The following BBOF1 variants were observed in gnomAD, a reference collection of about 807,000 sequenced individuals.
BBOF1 encodes the protein basal body-orientation factor 1.
A neutral mutation model predicts 68.0 loss-of-function variants in BBOF1; 62 were observed. The ratio of observed to expected loss-of-function variants is 0.91; its 90% CI spans 0.74 to 1.13. The LOEUF (loss-of-function observed/expected upper bound fraction) is 1.13, where lower values mean the gene tolerates loss of function less well. BBOF1 is among the 50% of genes most tolerant of loss of function. The pLI, the probability that BBOF1 is intolerant of heterozygous loss-of-function variation, is 0.00. For missense variants in BBOF1, 534 were observed against 600.1 expected, an observed-to-expected ratio of 0.89 and a Z score of 1.15; for synonymous variants, 208 against 198.8, an observed-to-expected ratio of 1.05 and a Z score of -0.39.
chr14:74,034,835 A>G (rs1430114679), intron 4 of BBOF1, among the ~76,000 whole-genome samples: 4 of 152,186 alleles, frequency 2.6e-5, no homozygotes, highest in African/African-American at 9.7e-5. Flanking sequence ...TTATGCCTGT[A>G]ATCCCAGCAT....
At position 74,048,093 on chromosome 14, in the gene BBOF1, T is replaced by C. The variant is rs778507408; in HGVS notation, c.792+19T>C. 194 of 1,594,832 alleles carry C rather than the reference T, an allele frequency of 1.2e-4. No individual in the cohort carries two copies. Among genetic ancestry groups the C allele is most frequent in the Non-Finnish European group, 1.5e-4 (181 of 1,173,904 alleles). ...TCAAAAGGTTCCCTCTCATTTAGAC[T>C]TGGTGTCCTTCTTTTCTTTATTTAA... On this transcript the variant is annotated intron_variant, in intron 7 of 11. Coordinates refer to ENST00000394009, the MANE Select transcript of BBOF1 (RefSeq NM_025057.3).
At chr14:74,024,898 TGGTCCA>T (rs1466444596) in intron 2 of BBOF1, among the ~76,000 whole-genome samples, 7 of 152,054 alleles carry the variant, frequency 4.6e-5, no homozygotes, top group African/African-American at 1.7e-4. Context: ...CAATAGCACC[TGGTCCA>T]GAAATTTCTA....
intron 5 of BBOF1, among the ~76,000 whole-genome samples, chr14:74,043,700 T>G (rs1328629927): frequency 6.6e-6 from 1 of 150,470 alleles, no homozygotes; most frequent in Non-Finnish European, 1.5e-5. Context: ...GAGTAGCTAA[T>G]TTTTGTATTT....
At chr14:74,048,890 A>AGG (rs1229764322) in intron 7 of BBOF1, among the ~76,000 whole-genome samples, 2 of 152,204 alleles carry the variant, frequency 1.3e-5, no homozygotes, top group African/African-American at 4.8e-5. Context: ...AGAGAGAGAG[A>AGG]GAAAGACGGA....
chr14:74,066,255 G>A (rs1016929916), downstream of BBOF1, among the ~76,000 whole-genome samples: 6 of 151,956 alleles, frequency 3.9e-5, no homozygotes. Flanking sequence ...GGCCAAATGT[G>A]GCTTCCTGCC....
intron 11 of BBOF1, among the ~76,000 whole-genome samples, chr14:74,063,893 C>T (rs1370256564): frequency 3.3e-5 from 5 of 151,604 alleles, no homozygotes; most frequent in Non-Finnish European, 5.9e-5. Flanking sequence ...TAATGGTATC[C>T]CCCAAAGTCA....
At chr14:74,034,699 T>C (rs1277125866) in intron 4 of BBOF1, among the ~76,000 whole-genome samples, 1 of 152,070 alleles carries the variant, frequency 6.6e-6, no homozygotes, top group Non-Finnish European at 1.5e-5. Context: ...CACAGGGGAG[T>C]GCCAGGAACA....
At chr14:74,062,502 T>C (rs1270513472) in intron 11 of BBOF1, among the ~76,000 whole-genome samples, 3 of 151,524 alleles carry the variant, frequency 2.0e-5, no homozygotes, top group Non-Finnish European at 4.4e-5. Context: ...TCGGGAGGCA[T>C]AGATACGAGA....
chr14:74,028,967 C>T (rs1595019979), intron 2 of BBOF1, among the ~76,000 whole-genome samples: 1 of 147,988 alleles, frequency 6.8e-6, no homozygotes, highest in Admixed American at 6.8e-5. Context: ...CACACACACA[C>T]AAAAGTTGAC....
At chr14:74,078,360 CTTTT>C (rs201196501) in intron 10 of BBOF1, 1 of 301,908 alleles carries the variant, frequency 3.3e-6, no homozygotes, top group African/African-American at 2.3e-5. Context: ...GAGGTATATA[CTTTT>C]TTTTTTTGAG....
At chr14:74,057,868 C>A (rs2060253320) in intron 11 of BBOF1, 1 of 1,033,550 alleles carries the variant, frequency 9.7e-7, no homozygotes, top group African/African-American at 1.7e-5. Flanking sequence ...TGAGTTGTTT[C>A]TAATTAGAGC....
Position 74,047,974 on chromosome 14 carries a change from A to G in BBOF1, c.692A>G (p.Tyr231Cys). The change falls in exon 7 of 12, where the codon TAT (tyrosine) becomes TGT (cysteine). Residue 231 changes from tyrosine (Y) to cysteine (C), a missense_variant. By Grantham distance (194) the Tyr-to-Cys change is radical. Transcript: ENST00000394009. ...AGRNVFKEND[Y>C]LQKALAYHLK... Reference sequence around the variant, plus strand: ...AGAAATGTTTTTAAAGAGAATGATTATCTTCAGAAAGCTCTGGCATATCAC... The same window carrying G: ...AGAAATGTTTTTAAAGAGAATGATTGTCTTCAGAAAGCTCTGGCATATCAC... 6.2e-7 allele frequency: 1 copy of G among 1,611,858 alleles called. No homozygotes were observed. Among genetic ancestry groups the G allele is most frequent in the Non-Finnish European group, 8.5e-7 (1 of 1,179,202 alleles).
chr14:74,078,359 A>G (rs1391181087), intron 10 of BBOF1: 3 of 407,528 alleles, frequency 7.4e-6, no homozygotes, highest in Non-Finnish European at 1.5e-5. Flanking sequence ...AGAGGTATAT[A>G]CTTTTTTTTT....
intron 9 of BBOF1, chr14:74,072,225 T>A: frequency 6.2e-7 from 1 of 1,614,206 alleles, no homozygotes; most frequent in South Asian, 1.1e-5. Flanking sequence ...AATAAGTTGT[T>A]GATAGCGGAG....
At chr14:74,035,584 ATTT>A (rs71460945) in intron 4 of BBOF1, among the ~76,000 whole-genome samples, 16 of 81,390 alleles carry the variant, frequency 2.0e-4, no homozygotes, top group Admixed American at 5.3e-4. Flanking sequence ...CCCCCAGCTA[ATTT>A]TTTTTTTTTT....
chr14:74,056,795 A>G, intron 9 of BBOF1, 111 bp from the exon 10 acceptor site: 3 of 703,980 alleles, frequency 4.3e-6, no homozygotes, highest in Non-Finnish European at 7.3e-6. Flanking sequence ...TATACCTACT[A>G]TCACCCACAA....
rs755681349 is a variant in BBOF1, at chr14:74,071,990, A to G, written n.1380-6206A>G. 7 of 1,611,312 alleles carry G rather than the reference A, an allele frequency of 4.3e-6. No homozygotes were observed. The Admixed American group carries it at 5.0e-5, about 12-fold the overall frequency. The stretch of plus-strand genomic sequence containing the variant: ...CAATTTCTTTCTAGAGAGAAGACAC[A>G]CAAATAGAAATTAATGCAAGAATGT... On this transcript the variant is annotated intron_variant and non_coding_transcript_variant, in intron 9 of 12. Transcript: ENST00000492026.
chr14:74,069,835 T>C (rs10138572), downstream of BBOF1, among the ~76,000 whole-genome samples: 35,511 of 149,326 alleles, frequency 0.24, 4,820 homozygotes, highest in South Asian at 0.46. Flanking sequence ...CCAGAATTTC[T>C]ACTTCTAATC....
chr14:74,060,757 C>CA, intron 11 of BBOF1: 4 of 1,580,122 alleles, frequency 2.5e-6, no homozygotes, highest in Non-Finnish European at 3.5e-6. Flanking sequence ...CTAAGGAAAA[C>CA]AGAAAAAAAG....
Sources: gnomAD v4.1 joint callset for allele counts (sites outside exome capture counted in the v4.1 genomes callset) on GRCh38, gnomAD v4.1.1 for gene constraint, MANE v1.5 for transcripts, NCBI Gene and HGNC (gene_info 2026-07-23, HGNC 2026-07-21) for gene names.